Variants in ANO4 observed in about 807,000 individuals in gnomAD.
ANO4 encodes anoctamin-4.
ANO4 carries 69 observed loss-of-function variants against 141.9 expected under a neutral mutation model. The ratio of observed to expected loss-of-function variants is 0.49; its 90% CI spans 0.40 to 0.59. The LOEUF (loss-of-function observed/expected upper bound fraction) is 0.59. Among genes scored for constraint, ANO4 ranks in the 20% least tolerant of loss-of-function variants. The pLI is 0.00. For missense variants in ANO4, 894 were observed against 1,162.2 expected, an observed-to-expected ratio of 0.77 and a Z score of 3.36; for synonymous variants, 350 against 394.3, an observed-to-expected ratio of 0.89 and a Z score of 1.33.
intron 1 of ANO4, among the ~76,000 whole-genome samples, chr12:100,842,810 A>G (rs754988964): frequency 2.1e-4 from 32 of 152,098 alleles, no homozygotes; most frequent in Admixed American, 4.6e-4. Context: ...AATTCCATCC[A>G]AAAGAGTAGA....
chr12:100,873,326 T>TG (rs2039127202), intron 1 of ANO4, among the ~76,000 whole-genome samples: 1 of 152,132 alleles, frequency 6.6e-6, no homozygotes, highest in South Asian at 2.1e-4. Context: ...GGAAGACAAC[T>TG]GGGGGAAAGT....
chr12:100,829,339 G>A (rs1014409339), intron 1 of ANO4, among the ~76,000 whole-genome samples: 8 of 152,040 alleles, frequency 5.3e-5, no homozygotes, highest in African/African-American at 1.7e-4. Flanking sequence ...TAAAGTTATT[G>A]TGAAGATTCC....
At chr12:100,932,417 TG>T (rs891915800) in intron 3 of ANO4, among the ~76,000 whole-genome samples, 10 of 152,028 alleles carry the variant, frequency 6.6e-5, no homozygotes, top group African/African-American at 2.2e-4. Flanking sequence ...TTCTCTTGCC[TG>T]GAAGTGTGAG....
chr12:101,024,591 G>C (rs1251718035), intron 9 of ANO4, among the ~76,000 whole-genome samples: 1 of 128,174 alleles, frequency 7.8e-6, no homozygotes, highest in African/African-American at 2.6e-5. Context: ...GTGAGACTCT[G>C]TCTCAAAAAA....
intron 2 of ANO4, among the ~76,000 whole-genome samples, chr12:100,735,005 G>C (rs1040845299): frequency 3.9e-5 from 6 of 152,282 alleles, no homozygotes; most frequent in African/African-American, 1.4e-4. Context: ...ATGGGGTACT[G>C]GCTGCAGTGA....
intron 8 of ANO4, among the ~76,000 whole-genome samples, chr12:100,991,525 A>T (rs1314443604): frequency 6.6e-6 from 1 of 150,932 alleles, no homozygotes; most frequent in Non-Finnish European, 1.5e-5. Flanking sequence ...AAAAAAAAAA[A>T]AAAAAAAAAG....
intron 22 of ANO4, among the ~76,000 whole-genome samples, chr12:101,105,594 G>A (rs1475616074): frequency 6.6e-6 from 1 of 152,136 alleles, no homozygotes; most frequent in Non-Finnish European, 1.5e-5. Flanking sequence ...ATGCAAAAAG[G>A]CAAGAAAATG....
intron 5 of ANO4, among the ~76,000 whole-genome samples, chr12:100,944,577 CAGTT>C (rs980074872): frequency 3.2e-4 from 48 of 151,934 alleles, no homozygotes; most frequent in African/African-American, 1.0e-3. Context: ...ACACTACAAA[CAGTT>C]AGGTCTTCCC....
intron 3 of ANO4, among the ~76,000 whole-genome samples, chr12:100,925,123 A>C (rs1038274832): frequency 1.5e-4 from 23 of 152,130 alleles, no homozygotes; most frequent in African/African-American, 5.3e-4. Context: ...AGATTTGAGA[A>C]GCTGCCCACA....
At chr12:100,956,122 G>A (rs963440288) in intron 5 of ANO4, among the ~76,000 whole-genome samples, 4 of 152,186 alleles carry the variant, frequency 2.6e-5, no homozygotes, top group South Asian at 2.1e-4. Context: ...TTTCCAAAAT[G>A]TTGCAACCAA....
At chr12:100,837,275 T>G (rs2036977792) in intron 1 of ANO4, among the ~76,000 whole-genome samples, 1 of 138,364 alleles carries the variant, frequency 7.2e-6, no homozygotes, top group Admixed American at 7.2e-5. Context: ...AACAACCATA[T>G]GAGATAAATA....
chr12:100,763,765 C>G (rs1028134484), intron 3 of ANO4, among the ~76,000 whole-genome samples: 2 of 152,202 alleles, frequency 1.3e-5, no homozygotes, highest in African/African-American at 4.8e-5. Context: ...CCCATTTCTC[C>G]CATTCATCTA....
At chr12:100,776,461 G>T (rs1264031486) in intron 3 of ANO4, among the ~76,000 whole-genome samples, 1 of 152,180 alleles carries the variant, frequency 6.6e-6, no homozygotes, top group Non-Finnish European at 1.5e-5. Context: ...AGATGAGAGG[G>T]TTGCATTTCA....
chr12:101,122,286 T>G (rs1397515215), intron 26 of ANO4, among the ~76,000 whole-genome samples: 1 of 152,226 alleles, frequency 6.6e-6, no homozygotes, highest in African/African-American at 2.4e-5. Context: ...ATTCTGGGTA[T>G]TAGACCTTTA....
At chr12:101,065,475 A>G (rs1414172590) in intron 14 of ANO4, among the ~76,000 whole-genome samples, 1 of 152,202 alleles carries the variant, frequency 6.6e-6, no homozygotes, top group Non-Finnish European at 1.5e-5. Context: ...AGAGGATACT[A>G]TGAGCAACTA....
intron 1 of ANO4, among the ~76,000 whole-genome samples, chr12:100,897,889 C>G (rs1238155972): frequency 6.6e-6 from 1 of 152,226 alleles, no homozygotes; most frequent in Non-Finnish European, 1.5e-5. Context: ...TCTCAACATT[C>G]TGGGCTTCCA....
At position 101,020,129 on chromosome 12, in the gene ANO4, A is replaced by G. The variant is rs757668505; in HGVS notation, c.830A>G (p.Lys277Arg). 21 of 1,603,658 alleles carry G rather than the reference A, an allele frequency of 1.3e-5. No homozygotes were observed. Among genetic ancestry groups the G allele is most frequent in the Admixed American group, 3.3e-5 (2 of 59,822 alleles). Residue 277 changes from lysine (K) to arginine (R), a missense_variant, in exon 9 of 28, where the codon AAA becomes AGA. Lys to Arg is a conservative substitution (Grantham distance 26, BLOSUM62 2). This residue lies in a region of ANO4 where 637 missense variants were observed against 909.2 expected (regional missense o/e 0.70). Coordinates refer to ENST00000392977, the MANE Select transcript of ANO4 (RefSeq NM_001286615.2). ...CAAAGAATAAAATATGAAGAAGGAA[A>G]AAACAAGATTGGTAAGTAGTATGTT... ...ILQRIKYEEG[K>R]NKIGLNRLLT...
chr12:100,987,211 C>T (rs572277404), intron 7 of ANO4: 72 of 215,102 alleles, frequency 3.3e-4, no homozygotes, highest in African/African-American at 1.5e-3. Context: ...ATCTCTGCTG[C>T]TTGCTTAAGG....
chr12:101,069,993 G>T (rs903533732), intron 14 of ANO4, among the ~76,000 whole-genome samples: 1 of 151,668 alleles, frequency 6.6e-6, no homozygotes, highest in African/African-American at 2.4e-5. Context: ...AAATAATCAT[G>T]CTACTAAAAA....
Sources: gnomAD v4.1 joint callset for allele counts (sites outside exome capture counted in the v4.1 genomes callset) on GRCh38, gnomAD v4.1.1 for gene constraint, gnomAD v4.1.1 regional missense constraint, MANE v1.5 for transcripts, NCBI Gene and HGNC (gene_info 2026-07-23, HGNC 2026-07-21) for gene names.